Variants in DLG5 observed in about 807,000 individuals in gnomAD.
The protein encoded by DLG5 is disks large homolog 5.
Under a neutral mutation model 189.8 loss-of-function variants are expected in DLG5, and 48 were observed. The ratio of observed to expected loss-of-function variants is 0.25; its 90% CI spans 0.20 to 0.32. DLG5 has a LOEUF of 0.32. DLG5 is among the 10% of genes least tolerant of loss of function. The pLI, the probability that DLG5 is intolerant of heterozygous loss-of-function variation, is 1.00. For missense variants in DLG5, 2,160 were observed against 2,544.7 expected (o/e 0.85, Z 3.25); for synonymous variants, 1,016 against 1,054.1 (o/e 0.96, Z 0.70).
intron 1 of DLG5, among the ~76,000 whole-genome samples, chr10:77,923,327 AG>A (rs1394430018): frequency 1.3e-5 from 2 of 152,218 alleles, no homozygotes; most frequent in Non-Finnish European, 2.9e-5. Flanking sequence ...TGGCTCCTCA[AG>A]GAAGAAGACT....
intron 12 of DLG5, 129 bp downstream of exon 12, chr10:77,829,226 G>A (rs1226426799): frequency 4.5e-6 from 6 of 1,320,772 alleles, no homozygotes; most frequent in Non-Finnish European, 6.3e-6. Context: ...AAAGCACATG[G>A]GCTACATTTA....
chr10:77,887,569 T>C (rs1289691785), intron 1 of DLG5, among the ~76,000 whole-genome samples: 1 of 152,214 alleles, frequency 6.6e-6, no homozygotes, highest in Non-Finnish European at 1.5e-5. Flanking sequence ...AGAGTTTCTA[T>C]TGAATCTGTA....
chr10:77,835,719 G>A lies in DLG5; in HGVS notation c.1622+19C>T. The stretch of plus-strand genomic sequence containing the variant: ...CCTGGGGAGACGCAAGCCCACGCCA[G>A]CTTGAGGTCACCCCATACCGGATGC... On this transcript the variant is annotated intron_variant, in intron 8 of 31. Transcript: ENST00000372391. The A allele has an allele frequency of 6.3e-7, 1 of 1,596,880 alleles. No homozygotes were observed. The highest frequency in any genetic ancestry group is 1.1e-5 in the South Asian group (1 of 90,286).
intron 1 of DLG5, among the ~76,000 whole-genome samples, chr10:77,915,326 CAA>C (rs397847299): frequency 5.2e-5 from 5 of 96,886 alleles, no homozygotes; most frequent in African/African-American, 7.3e-5. Context: ...GATGCCGTTT[CAA>C]AAAAAAAAAA....
chr10:77,937,078 C>T, the DLG5 span, among the ~76,000 whole-genome samples: 1 of 152,192 alleles, frequency 6.6e-6, no homozygotes, highest in Non-Finnish European at 1.5e-5. Flanking sequence ...TTCAGAACAA[C>T]ATACCACTCC....
intron 13 of DLG5, among the ~76,000 whole-genome samples, chr10:77,827,052 T>C (rs1469408278): frequency 6.6e-6 from 1 of 152,140 alleles, no homozygotes; most frequent in Non-Finnish European, 1.5e-5. Flanking sequence ...GAGATGTACA[T>C]GTTTTGAAAG....
intron 1 of DLG5, among the ~76,000 whole-genome samples, chr10:77,904,346 T>C (rs1201849862): frequency 6.6e-6 from 1 of 151,236 alleles, no homozygotes; most frequent in African/African-American, 2.4e-5. Context: ...AGATGAGACT[T>C]TGGACTGTGG....
chr10:77,857,352 T>C (rs887870213), intron 2 of DLG5, among the ~76,000 whole-genome samples: 5 of 152,210 alleles, frequency 3.3e-5, no homozygotes, highest in Admixed American at 2.0e-4. Flanking sequence ...CCAATGACGC[T>C]ACTAAGGACC....
At chr10:77,889,913 A>G (rs1845556750) in intron 1 of DLG5, among the ~76,000 whole-genome samples, 1 of 152,168 alleles carries the variant, frequency 6.6e-6, no homozygotes, top group East Asian at 1.9e-4. Flanking sequence ...GGTGGGAGCC[A>G]GAGATGGTGA....
chr10:77,859,158 G>A (rs969542622), intron 2 of DLG5, among the ~76,000 whole-genome samples: 6 of 152,126 alleles, frequency 3.9e-5, no homozygotes, highest in African/African-American at 1.4e-4. Context: ...TTACAGGCGT[G>A]AGCCACCACA....
chr10:77,798,830 C>A (rs1162662557), intron 27 of DLG5, among the ~76,000 whole-genome samples: 1 of 152,004 alleles, frequency 6.6e-6, no homozygotes, highest in African/African-American at 2.4e-5. Context: ...GGGTGGAATT[C>A]AATATAGTGC....
chr10:77,920,001 G>A (rs762344872), intron 1 of DLG5, among the ~76,000 whole-genome samples: 3 of 152,042 alleles, frequency 2.0e-5, no homozygotes, highest in Non-Finnish European at 2.9e-5. Context: ...AAAAATTATC[G>A]AACACCTATC....
chr10:77,893,455 G>A (rs1311783555), intron 1 of DLG5, among the ~76,000 whole-genome samples: 1 of 152,242 alleles, frequency 6.6e-6, no homozygotes, highest in Non-Finnish European at 1.5e-5. Flanking sequence ...ACAAGGTCGA[G>A]AGAGGCCATC....
At chr10:77,870,871 G>A (rs1452559770) in intron 1 of DLG5, among the ~76,000 whole-genome samples, 2 of 152,104 alleles carry the variant, frequency 1.3e-5, no homozygotes, top group Non-Finnish European at 2.9e-5. Flanking sequence ...AAAGCAGGGA[G>A]ACTTTGCTGG....
At chr10:77,842,336 G>A in intron 6 of DLG5, 143 bp from the exon 7 acceptor site, 1 of 1,042,966 alleles carries the variant, frequency 9.6e-7, no homozygotes, top group Non-Finnish European at 1.4e-6. Context: ...CCACCCCCAG[G>A]AGAGAAAAGT....
chr10:77,911,811 G>T (rs1846229236), intron 1 of DLG5, among the ~76,000 whole-genome samples: 1 of 152,002 alleles, frequency 6.6e-6, no homozygotes, highest in East Asian at 1.9e-4. Flanking sequence ...ACGGCAGGCT[G>T]CATGTTAGCA....
chr10:77,902,877 AT>A (rs1845970681), intron 1 of DLG5, among the ~76,000 whole-genome samples: 2 of 144,392 alleles, frequency 1.4e-5, no homozygotes, highest in African/African-American at 5.7e-5. Flanking sequence ...AAATAAAAAA[AT>A]AAATAAATAA....
Position 77,842,193 on chromosome 10 carries a change from C to T in DLG5, c.1125G>A (p.Arg375=), listed in dbSNP as rs1312368697. The T allele has an allele frequency of 6.2e-7, 1 of 1,600,202 alleles. No individual in the cohort carries two copies. The highest frequency in any genetic ancestry group is 8.5e-7 in the Non-Finnish European group (1 of 1,178,404). ...LQHQCALSLR[R]FEAIHHELNK... is the part of the protein sequence containing the mutation. The stretch of plus-strand genomic sequence containing the variant: ...TCAGCTCATGGTGGATCGCCTCAAA[C>T]CTGGCAAGAGAGGTGGCGAGATGTG... Residue 375 remains arginine (R), a splice_region_variant and synonymous_variant, in exon 7 of 32, where the codon AGG becomes AGA. Transcript: ENST00000372391.
chr10:77,831,419 T>G (rs1286325628), intron 9 of DLG5, among the ~76,000 whole-genome samples: 1 of 151,980 alleles, frequency 6.6e-6, no homozygotes, highest in Admixed American at 6.6e-5. Context: ...AAAATTTAAT[T>G]TAAAAAATAA....
Sources: allele counts gnomAD v4.1 joint callset (sites outside exome capture counted in the v4.1 genomes callset), GRCh38; gene constraint gnomAD v4.1.1; transcripts MANE v1.5; gene names NCBI Gene and HGNC (gene_info 2026-07-23, HGNC 2026-07-21).